Variants in ABCB1 observed in about 807,000 individuals in gnomAD.
ABCB1 encodes the protein ATP-dependent translocase ABCB1.
Under a neutral mutation model 142.0 loss-of-function variants are expected in ABCB1, and 69 were observed. The ratio of observed to expected loss-of-function variants is 0.49; its 90% CI spans 0.40 to 0.59. The LOEUF (loss-of-function observed/expected upper bound fraction) is 0.59, where lower values mean the gene tolerates loss of function less well. ABCB1 is among the 20% of genes least tolerant of loss of function. The probability of loss-of-function intolerance (pLI) is 0.00; values close to 1 mark genes in which losing one functional copy is unlikely to be tolerated. For missense variants in ABCB1, 1,326 were observed against 1,554.7 expected (o/e 0.85, Z 2.47); for synonymous variants, 532 against 539.2 (o/e 0.99, Z 0.18).
intron 1 of ABCB1, among the ~76,000 whole-genome samples, chr7:87,649,612 C>T (rs1421175576): frequency 6.6e-6 from 1 of 152,122 alleles, no homozygotes; most frequent in Non-Finnish European, 1.5e-5. Context: ...AGACAAAGGA[C>T]ATTCTGATAA....
intron 1 of ABCB1, among the ~76,000 whole-genome samples, chr7:87,652,506 T>C (rs1415856822): frequency 6.6e-6 from 1 of 151,848 alleles, no homozygotes; most frequent in Non-Finnish European, 1.5e-5. Context: ...TGGATAAGAA[T>C]TCTACTTGTG....
At chr7:87,595,858 T>A in intron 2 of ABCB1, 44 bp from the exon 3 acceptor site, 1 of 1,498,720 alleles carries the variant, frequency 6.7e-7, no homozygotes, top group South Asian at 1.1e-5. Context: ...AAAAAGTACA[T>A]ATTTTTTAAA....
intron 1 of ABCB1, among the ~76,000 whole-genome samples, chr7:87,620,559 G>T (rs1157199300): frequency 6.6e-6 from 1 of 152,086 alleles, no homozygotes; most frequent in Non-Finnish European, 1.5e-5. Flanking sequence ...TTACTTCGTG[G>T]AATTGGTATT....
At chr7:87,519,917 C>T (rs1815419962) in intron 22 of ABCB1, among the ~76,000 whole-genome samples, 6 of 151,456 alleles carry the variant, frequency 4.0e-5, no homozygotes, top group Admixed American at 3.9e-4. Context: ...CTTAGGAGAC[C>T]TGACTTGAGT....
intron 20 of ABCB1, among the ~76,000 whole-genome samples, chr7:87,535,746 A>G (rs1007887871): frequency 6.6e-6 from 1 of 152,186 alleles, no homozygotes; most frequent in African/African-American, 2.4e-5. Context: ...TATAGTACTA[A>G]CTTACAGAAA....
At chr7:87,569,351 AAAT>A (rs1817937650) in intron 5 of ABCB1, among the ~76,000 whole-genome samples, 2 of 138,450 alleles carry the variant, frequency 1.4e-5, no homozygotes, top group African/African-American at 2.7e-5. Flanking sequence ...AAAAAAAAAA[AAAT>A]CTATTTTTTT....
intron 1 of ABCB1, among the ~76,000 whole-genome samples, chr7:87,656,266 A>G (rs1332177148): frequency 6.6e-6 from 1 of 152,092 alleles, no homozygotes; most frequent in Non-Finnish European, 1.5e-5. Context: ...AAATTTTTAA[A>G]TAATTTTTAA....
chr7:87,519,600 G>T, intron 22 of ABCB1, 134 bp from the exon 23 acceptor site: 2 of 1,004,476 alleles, frequency 2.0e-6, no homozygotes, highest in East Asian at 2.5e-5. Flanking sequence ...AACTAAGTTT[G>T]GTCCTCACTT....
At chr7:87,553,652 G>A in intron 9 of ABCB1, 109 bp downstream of exon 9, 3 of 1,202,434 alleles carry the variant, frequency 2.5e-6, no homozygotes, top group Non-Finnish European at 3.6e-6. Context: ...GCATATGTCT[G>A]TAGTATTCAA....
intron 8 of ABCB1, among the ~76,000 whole-genome samples, chr7:87,555,057 G>T (rs139722542): frequency 6.6e-6 from 1 of 152,140 alleles, no homozygotes. Flanking sequence ...ATTTTTGACG[G>T]TAAAGTTAAA....
chr7:87,630,638 C>G (rs1291173754), intron 1 of ABCB1, among the ~76,000 whole-genome samples: 1 of 150,236 alleles, frequency 6.7e-6, no homozygotes, highest in Non-Finnish European at 1.5e-5. Flanking sequence ...GCTCTATCAG[C>G]TTTTGTTAAA....
intron 1 of ABCB1, among the ~76,000 whole-genome samples, chr7:87,620,700 G>A (rs1011687589): frequency 6.6e-6 from 1 of 151,928 alleles, no homozygotes; most frequent in African/African-American, 2.4e-5. Context: ...ACAAAAAATG[G>A]GTAAACACTT....
intron 26 of ABCB1, among the ~76,000 whole-genome samples, chr7:87,506,544 G>T (rs1814755010): frequency 6.6e-6 from 1 of 151,336 alleles, no homozygotes; most frequent in African/African-American, 2.5e-5. Flanking sequence ...AATTTTAATG[G>T]ATGCTATCAA....
intron 1 of ABCB1, among the ~76,000 whole-genome samples, chr7:87,664,417 A>G (rs562431543): frequency 2.0e-5 from 3 of 152,200 alleles, no homozygotes; most frequent in Non-Finnish European, 4.4e-5. Context: ...ATCAATTCTC[A>G]AAGGAATACA....
intron 1 of ABCB1, among the ~76,000 whole-genome samples, chr7:87,692,133 C>G (rs1047738017): frequency 6.6e-6 from 1 of 152,098 alleles, no homozygotes; most frequent in African/African-American, 2.4e-5. Flanking sequence ...GGCTAGCATA[C>G]TAACAGCTTT....
At chr7:87,515,518 G>T in intron 24 of ABCB1, 90 bp from the exon 25 acceptor site, 1 of 1,174,482 alleles carries the variant, frequency 8.5e-7, no homozygotes, top group Non-Finnish European at 1.3e-6. Flanking sequence ...GGTGTCAGAA[G>T]ATAATTAATT....
intron 1 of ABCB1, among the ~76,000 whole-genome samples, chr7:87,651,321 A>G (rs992085617): frequency 6.6e-6 from 1 of 152,090 alleles, no homozygotes; most frequent in Admixed American, 6.6e-5. Flanking sequence ...ATCTTTGTAA[A>G]TGTTTTAGCA....
chr7:87,580,968 G>A (rs1272741296), intron 4 of ABCB1, among the ~76,000 whole-genome samples: 2 of 151,512 alleles, frequency 1.3e-5, no homozygotes, highest in Non-Finnish European at 2.9e-5. Flanking sequence ...TAGTGTGGTC[G>A]CTCACCTGGT....
intron 1 of ABCB1, among the ~76,000 whole-genome samples, chr7:87,695,403 T>C (rs1312422482): frequency 6.6e-6 from 1 of 152,070 alleles, no homozygotes; most frequent in African/African-American, 2.4e-5. Context: ...AAACTTGGGA[T>C]TGCTGCTACA....
Sources: gnomAD v4.1 joint callset for allele counts (sites outside exome capture counted in the v4.1 genomes callset) on GRCh38, gnomAD v4.1.1 for gene constraint, MANE v1.5 for transcripts, NCBI Gene and HGNC (gene_info 2026-07-23, HGNC 2026-07-21) for gene names.